NRG1: variants seen among roughly 807,000 people sequenced by gnomAD.
NRG1 encodes the protein pro-neuregulin-1, membrane-bound isoform.
In NRG1, 18 loss-of-function variants were observed where a neutral mutation model predicts 63.8. That is an observed-to-expected ratio of 0.28 (90% CI 0.19 to 0.42). NRG1 has a LOEUF of 0.42. Among genes scored for constraint, NRG1 ranks in the 10% least tolerant of loss-of-function variants. NRG1 has a pLI of 1.00. For missense variants in NRG1, 762 were observed against 814.7 expected (o/e 0.94, Z 0.79); for synonymous variants, 302 against 301.3 (o/e 1.00, Z -0.02).
chr8:31,741,622 C>T (rs1266258276), intron 1 of NRG1, among the ~76,000 whole-genome samples: 2 of 151,872 alleles, frequency 1.3e-5, no homozygotes, highest in Admixed American at 6.6e-5. Flanking sequence ...TTAAAAGGTG[C>T]TGAACATTCT....
intron 1 of NRG1, among the ~76,000 whole-genome samples, chr8:32,395,357 C>T (rs572478504): frequency 8.6e-4 from 131 of 152,190 alleles, no homozygotes; most frequent in Non-Finnish European, 1.7e-3. Flanking sequence ...ACATTCCCAA[C>T]AGCAGTGTCT....
intron 1 of NRG1, among the ~76,000 whole-genome samples, chr8:32,527,210 C>T (rs1308127495): frequency 2.0e-5 from 3 of 152,134 alleles, no homozygotes. Context: ...TGCAGCACTA[C>T]TCACAAAGGG....
intron 1 of NRG1, among the ~76,000 whole-genome samples, chr8:31,810,789 G>T (rs1331137852): frequency 1.3e-5 from 2 of 152,168 alleles, no homozygotes; most frequent in Non-Finnish European, 2.9e-5. Flanking sequence ...CATGACCAGG[G>T]TATGGGACTG....
At chr8:32,770,210 G>T (rs987411622), downstream of NRG1, among the ~76,000 whole-genome samples, 1 of 152,190 alleles carries the variant, frequency 6.6e-6, no homozygotes, top group East Asian at 1.9e-4. Flanking sequence ...AATACAGAGA[G>T]AAATGAACTA....
At chr8:31,665,075 AG>A (rs1241838627) in intron 1 of NRG1, among the ~76,000 whole-genome samples, 2 of 152,154 alleles carry the variant, frequency 1.3e-5, no homozygotes, top group South Asian at 2.1e-4. Flanking sequence ...TGGACCTTCA[AG>A]GGTGGGTGGG....
At chr8:32,568,818 A>G (rs13253981) in intron 1 of NRG1, among the ~76,000 whole-genome samples, 80,523 of 152,102 alleles carry the variant, frequency 0.53, 23,144 homozygotes, top group East Asian at 0.85. Flanking sequence ...TGATTGTATA[A>G]TTTTAGCAAA....
chr8:31,659,133 G>A (rs1340685732), intron 1 of NRG1, among the ~76,000 whole-genome samples: 2 of 152,150 alleles, frequency 1.3e-5, no homozygotes, highest in African/African-American at 2.4e-5. Context: ...GGTGAATCAT[G>A]TCTGGAGAAG....
At chr8:32,090,407 G>A (rs376000266) in intron 1 of NRG1, among the ~76,000 whole-genome samples, 14 of 152,114 alleles carry the variant, frequency 9.2e-5, no homozygotes, top group Admixed American at 3.9e-4. Flanking sequence ...TGCAGCCTCC[G>A]CCTCACAGGT....
intron 1 of NRG1, among the ~76,000 whole-genome samples, chr8:32,251,053 T>TTTA (rs139569064): frequency 6.0e-4 from 91 of 150,924 alleles, no homozygotes; most frequent in Middle Eastern, 6.8e-3. Flanking sequence ...AATTGCCATA[T>TTTA]TTATTATTAT....
rs556583142 is a variant in NRG1 at position 32,323,021 on chromosome 8, C to A, written c.38-272807C>A. Among the ~76,000 whole-genome samples the A allele has an allele frequency of 5.6e-4, 85 of 152,152 alleles. No individual in the cohort carries two copies. In the South Asian group the frequency reaches 6.4e-3, roughly 12 times the overall value. On this transcript the variant is annotated intron_variant, in intron 1 of 10. Coordinates refer to the NRG1 transcript ENST00000519301. Reference sequence around the variant, plus strand: ...AACACCCAACACCACCTAACTATGGCCCTCGATACAGTCATTTAACTTAAT... The same window carrying A: ...AACACCCAACACCACCTAACTATGGACCTCGATACAGTCATTTAACTTAAT...
At chr8:32,764,527 T>C in exon 12 of NRG1, 1 of 907,492 alleles carries the variant, frequency 1.1e-6, no homozygotes, top group South Asian at 2.5e-5. Context: ...AAAAAACTTT[T>C]ATAAATTAAA....
chr8:32,670,986 C>T (rs891793959), intron 5 of NRG1, among the ~76,000 whole-genome samples: 1 of 152,112 alleles, frequency 6.6e-6, no homozygotes, highest in African/African-American at 2.4e-5. Flanking sequence ...GAGAGGAGGG[C>T]AGCCTAGACC....
chr8:32,069,824 T>A (rs1825486008), intron 1 of NRG1, among the ~76,000 whole-genome samples: 1 of 152,166 alleles, frequency 6.6e-6, no homozygotes, highest in Non-Finnish European at 1.5e-5. Context: ...CTTTTCTAGA[T>A]CTCCCTGCAG....
intron 5 of NRG1, among the ~76,000 whole-genome samples, chr8:32,685,480 A>C (rs1357060100): frequency 6.6e-6 from 1 of 152,102 alleles, no homozygotes; most frequent in African/African-American, 2.4e-5. Flanking sequence ...CACCACCATC[A>C]CAAGCAAATT....
At position 32,222,495 on chromosome 8, in the gene NRG1, A is replaced by G. The variant is rs80002731; in HGVS notation, c.38-373333A>G. Among the ~76,000 whole-genome samples the G allele has an allele frequency of 2.6e-3, 390 of 152,300 alleles. 4 individuals are homozygous for G. The highest frequency in any genetic ancestry group is 7.4e-3 in the African/African-American group (306 of 41,570). On this transcript the variant is annotated intron_variant, in intron 1 of 10. Transcript: ENST00000519301. Reference sequence around the variant, plus strand: ...CTAGAAACAGAAAGAAAGAAAGAAAAAAAGAAAGAAACATAAAGAAATCTT... The same window carrying G: ...CTAGAAACAGAAAGAAAGAAAGAAAGAAAGAAAGAAACATAAAGAAATCTT...
chr8:32,134,515 T>C (rs1835259827), intron 1 of NRG1, among the ~76,000 whole-genome samples: 1 of 152,158 alleles, frequency 6.6e-6, no homozygotes, highest in Non-Finnish European at 1.5e-5. Flanking sequence ...TGCCAATTCT[T>C]ACAGACGTTA....
chr8:32,697,060 G>A (rs763217508), intron 5 of NRG1, among the ~76,000 whole-genome samples: 3 of 152,206 alleles, frequency 2.0e-5, no homozygotes, highest in African/African-American at 4.8e-5. Context: ...TTAGATGGAC[G>A]TTGCCTGCAA....
At chr8:31,962,639 C>A (rs16878573) in intron 1 of NRG1, among the ~76,000 whole-genome samples, 2,995 of 152,178 alleles carry the variant, frequency 0.02, 85 homozygotes, top group African/African-American at 0.068. Flanking sequence ...CAAATCCAAT[C>A]CCTTGTCTAG....
chr8:32,538,796 C>G (rs1832284823), intron 1 of NRG1, among the ~76,000 whole-genome samples: 1 of 152,100 alleles, frequency 6.6e-6, no homozygotes, highest in African/African-American at 2.4e-5. Context: ...TGGTTGTGTA[C>G]TTTAAGAAGA....
Sources: gnomAD v4.1 joint callset for allele counts (sites outside exome capture counted in the v4.1 genomes callset) on GRCh38, gnomAD v4.1.1 for gene constraint, MANE v1.5 for transcripts, NCBI Gene and HGNC (gene_info 2026-07-23, HGNC 2026-07-21) for gene names.